TRIO: variants seen among roughly 807,000 people sequenced by gnomAD.
TRIO encodes triple functional domain protein.
A neutral mutation model predicts 351.9 loss-of-function variants in TRIO; 58 were observed. The ratio of observed to expected loss-of-function variants is 0.16; its 90% CI spans 0.13 to 0.21. The LOEUF is 0.21. Ranked by LOEUF, TRIO falls within the 10% of genes least tolerant of loss-of-function variation. The pLI, the probability that TRIO is intolerant of heterozygous loss-of-function variation, is 1.00. For missense variants in TRIO, 3,201 were observed against 4,027.8 expected (o/e 0.79, Z 5.56); for synonymous variants, 1,758 against 1,595.7 (o/e 1.10, Z -2.42).
Position 14,358,279 on chromosome 5 carries a change from G to A in TRIO, c.2148G>A (p.Gln716=), listed in dbSNP as rs1579420411. Residue 716 remains glutamine, a synonymous_variant, in exon 12 of 57, where the codon CAG becomes CAA. Transcript: ENST00000344204. ...ACCTCATCAAGCGCTTTGGCCAGCA[G>A]CAGCAGACCACCCTGCAGGTGACTG... ...VQDLIKRFGQ[Q]QQTTLQVTVN... 5 of 1,614,228 alleles carry A rather than the reference G, an allele frequency of 3.1e-6. No individual in the cohort carries two copies. The highest frequency in any genetic ancestry group is 3.4e-6 in the Non-Finnish European group (4 of 1,180,032).
At chr5:14,295,597 A>G (rs1327252147) in intron 6 of TRIO, among the ~76,000 whole-genome samples, 1 of 152,212 alleles carries the variant, frequency 6.6e-6, no homozygotes, top group Non-Finnish European at 1.5e-5. Flanking sequence ...TGCTTTTCCT[A>G]ACAGACCTGT....
chr5:14,247,820 C>T (rs967200626), intron 1 of TRIO, among the ~76,000 whole-genome samples: 1 of 152,156 alleles, frequency 6.6e-6, no homozygotes, highest in South Asian at 2.1e-4. Flanking sequence ...GTAATCCCAG[C>T]ACTTTGAGAG....
At chr5:14,425,622 C>T (rs1371423116) in intron 34 of TRIO, among the ~76,000 whole-genome samples, 2 of 152,124 alleles carry the variant, frequency 1.3e-5, no homozygotes, top group Non-Finnish European at 2.9e-5. Context: ...TGTTTGCGTC[C>T]TTCCAAAATC....
intron 30 of TRIO, 131 bp from the exon 31 acceptor site, chr5:14,400,832 G>C: frequency 1.4e-6 from 1 of 730,044 alleles, no homozygotes; most frequent in Non-Finnish European, 2.3e-6. Context: ...TCACATGACA[G>C]CTGAGATCAC....
chr5:14,241,632 C>CT (rs1794134050), intron 1 of TRIO, among the ~76,000 whole-genome samples: 1 of 152,122 alleles, frequency 6.6e-6, no homozygotes, highest in African/African-American at 2.4e-5. Flanking sequence ...CTCTAAAACT[C>CT]TGATTTTAGG....
chr5:14,358,356 C>A lies in TRIO; in HGVS notation c.2216+9C>A, dbSNP rs767278319. 1.2e-6 allele frequency: 2 copies of A among 1,613,528 alleles called. No homozygotes were observed. The highest frequency in any genetic ancestry group is 3.3e-5 in the Admixed American group (2 of 59,994). ...CTCATCCAGCAGCTCAGGTGGGCCT[C>A]ACCCCTCTCCTGGTCCGAACAGATT... On this transcript the variant is annotated intron_variant, in intron 12 of 56. Transcript: ENST00000344204.
In TRIO at chr5:14,509,400, G is replaced by A. The variant is rs754169367; in HGVS notation, c.*978G>A. ...GTTTTGTGTGTGTGTTGGGGTTGGC[G>A]GGTGGGTGGGTAGGGTCGTAGCCCT... On this transcript the variant is annotated 3_prime_UTR_variant, in exon 57 of 57. Transcript: ENST00000344204. The A allele has an allele frequency of 1.9e-5, 9 of 461,974 alleles. No individual in the cohort carries two copies. The highest frequency in any genetic ancestry group is 9.3e-5 in the South Asian group (6 of 64,466). 28.6% of individuals were successfully genotyped at this position (461,974 alleles called of 1,614,324 possible). A position where few individuals can be genotyped will look rare whatever the true frequency, so the allele number is the denominator to read the frequency against.
intron 10 of TRIO, among the ~76,000 whole-genome samples, chr5:14,333,423 G>A (rs750929253): frequency 5.3e-5 from 8 of 152,186 alleles, no homozygotes; most frequent in Non-Finnish European, 8.8e-5. Context: ...CCTTTTAGGT[G>A]ATAATTTAAG....
chr5:14,381,397 G>A (rs1016894738), intron 21 of TRIO, 145 bp downstream of exon 21: 12 of 1,008,664 alleles, frequency 1.2e-5, no homozygotes, highest in African/African-American at 4.9e-5. Flanking sequence ...TCCTCCTTCC[G>A]TTCACGTGTG....
intron 27 of TRIO, among the ~76,000 whole-genome samples, chr5:14,392,654 T>C (rs1747193226): frequency 6.6e-6 from 1 of 152,198 alleles, no homozygotes; most frequent in African/African-American, 2.4e-5. Context: ...CTGTTCACAA[T>C]AGCAAAGAGT....
chr5:14,222,568 GT>G (rs1792710756), intron 1 of TRIO, among the ~76,000 whole-genome samples: 1 of 152,186 alleles, frequency 6.6e-6, no homozygotes, highest in Non-Finnish European at 1.5e-5. Context: ...CCTAAGCATT[GT>G]CTTGGAAACA....
chr5:14,158,825 C>T (rs1227534559), intron 1 of TRIO, among the ~76,000 whole-genome samples: 3 of 152,152 alleles, frequency 2.0e-5, no homozygotes, highest in African/African-American at 2.4e-5. Flanking sequence ...AGCGATGACA[C>T]GCTGTCTCTT....
intron 47 of TRIO, 98 bp downstream of exon 47, chr5:14,485,344 A>C: frequency 7.6e-7 from 1 of 1,307,938 alleles, no homozygotes; most frequent in Non-Finnish European, 1.0e-6. Context: ...TAATGACAGA[A>C]CTTAGCACTC....
At chr5:14,318,787 C>G (rs1356308228) in intron 9 of TRIO, among the ~76,000 whole-genome samples, 1 of 152,206 alleles carries the variant, frequency 6.6e-6, no homozygotes, top group Non-Finnish European at 1.5e-5. Context: ...GAGTTTAAAT[C>G]TAATTGTTGA....
At chr5:14,174,572 C>T (rs866065440) in intron 1 of TRIO, among the ~76,000 whole-genome samples, 2 of 152,174 alleles carry the variant, frequency 1.3e-5, no homozygotes, top group Admixed American at 6.5e-5. Context: ...GGTCAGCAGT[C>T]GTCAGGGTCG....
chr5:14,144,140 C>T (rs1193480148), intron 1 of TRIO, among the ~76,000 whole-genome samples: 2 of 152,170 alleles, frequency 1.3e-5, no homozygotes, highest in Non-Finnish European at 2.9e-5. Context: ...TGCGCCCGCC[C>T]CTCGTTTTAG....
intron 13 of TRIO, among the ~76,000 whole-genome samples, chr5:14,362,442 T>G (rs866931064): frequency 6.6e-6 from 1 of 152,214 alleles, no homozygotes; most frequent in African/African-American, 2.4e-5. Flanking sequence ...AGGTTGGCTC[T>G]TGTGTTTAAT....
chr5:14,431,608 T>C lies in TRIO; in HGVS notation c.5203+11587T>C, dbSNP rs568326161. Among the ~76,000 whole-genome samples, 213 of 152,346 alleles carry C rather than the reference T, an allele frequency of 1.4e-3. 1 individual carries two copies. Among genetic ancestry groups the C allele is most frequent in the African/African-American group, 4.9e-3 (203 of 41,574 alleles). ...AATATTAAAGTTCTGTTCTTAGATA[T>C]AGATGTGTTTCCTACTGTCTCAAAA... On this transcript the variant is annotated intron_variant, in intron 34 of 56. Transcript: ENST00000344204.
chr5:14,442,465 C>A (rs1353092422), intron 34 of TRIO, among the ~76,000 whole-genome samples: 12 of 152,186 alleles, frequency 7.9e-5, no homozygotes, highest in Non-Finnish European at 1.5e-5. Flanking sequence ...TAACTCTACC[C>A]ATTTGTTCAT....
Sources: gnomAD v4.1 joint callset for allele counts (sites outside exome capture counted in the v4.1 genomes callset) on GRCh38, gnomAD v4.1.1 for gene constraint, MANE v1.5 for transcripts, NCBI Gene and HGNC (gene_info 2026-07-23, HGNC 2026-07-21) for gene names.